The following NEDD4L variants were observed in gnomAD, a reference collection of about 807,000 sequenced individuals.
NEDD4L encodes NEDD4 like E3 ubiquitin protein ligase.
A neutral mutation model predicts 148.9 loss-of-function variants in NEDD4L; 54 were observed. The ratio of observed to expected loss-of-function variants is 0.36; its 90% CI spans 0.29 to 0.45. The LOEUF (loss-of-function observed/expected upper bound fraction) is 0.45, where lower values mean the gene tolerates loss of function less well. Among genes scored for constraint, NEDD4L ranks in the 20% least tolerant of loss-of-function variants. NEDD4L has a pLI of 1.00. For synonymous variants in NEDD4L, 433 were observed against 440.7 expected, an observed-to-expected ratio of 0.98 and a Z score of 0.22; for missense variants, 856 against 1,233.8, an observed-to-expected ratio of 0.69 and a Z score of 4.59.
chr18:58,235,589 T>C (rs1294410196), intron 2 of NEDD4L, among the ~76,000 whole-genome samples: 1 of 152,248 alleles, frequency 6.6e-6, no homozygotes, highest in Non-Finnish European at 1.5e-5. Context: ...CTCTCTTTTT[T>C]AGTTAGACAC....
intron 1 of NEDD4L, among the ~76,000 whole-genome samples, chr18:58,100,621 T>G (rs1416743533): frequency 6.6e-6 from 1 of 152,158 alleles, no homozygotes; most frequent in Non-Finnish European, 1.5e-5. Context: ...CAAGAGATTT[T>G]GACTTGTTCA....
At chr18:58,128,208 G>A (rs1370731271) in intron 1 of NEDD4L, among the ~76,000 whole-genome samples, 2 of 152,020 alleles carry the variant, frequency 1.3e-5, no homozygotes, top group East Asian at 1.9e-4. Flanking sequence ...CACTGCACCC[G>A]GCTCATTTTT....
chr18:58,329,094 G>T lies in NEDD4L; in HGVS notation c.780G>T (p.Glu260Asp), dbSNP rs1259612443. 1 of 1,614,028 alleles carries T rather than the reference G, an allele frequency of 6.2e-7. No individual in the cohort carries two copies. ...GCAGGCACATCAGCGAAGACTTGGA[G>T]CCCGAGCCCTCGGAGGGCGGGGATG... ...RSRRHISEDL[E>D]PEPSEGGDVP... Residue 260 changes from glutamate to aspartate, a missense_variant, in exon 10 of 31, where the codon GAG becomes GAT. Glu to Asp is a conservative substitution (Grantham distance 45). Transcript: ENST00000400345.
chr18:58,292,615 T>C (rs9944842), intron 5 of NEDD4L, among the ~76,000 whole-genome samples: 67,185 of 152,090 alleles, frequency 0.44, 15,451 homozygotes, highest in African/African-American at 0.58. Context: ...GATGGTTCTA[T>C]ATATGTCTCC....
intron 2 of NEDD4L, among the ~76,000 whole-genome samples, chr18:58,230,444 T>C (rs1199298557): frequency 1.3e-5 from 2 of 152,062 alleles, no homozygotes; most frequent in Admixed American, 1.3e-4. Flanking sequence ...CATTTTGTTG[T>C]TTCTTTGAGT....
intron 1 of NEDD4L, among the ~76,000 whole-genome samples, chr18:58,143,917 T>G (rs559433495): frequency 6.6e-6 from 1 of 152,166 alleles, no homozygotes; most frequent in Admixed American, 6.5e-5. Flanking sequence ...TGGCCTGATA[T>G]GAGGTATCCA....
At chr18:58,226,358 T>C (rs1436232832) in intron 2 of NEDD4L, among the ~76,000 whole-genome samples, 1 of 152,230 alleles carries the variant, frequency 6.6e-6, no homozygotes, top group African/African-American at 2.4e-5. Flanking sequence ...ATTTGCCAAA[T>C]GCAATTGTGT....
chr18:58,248,106 T>C (rs1285738661), intron 3 of NEDD4L, among the ~76,000 whole-genome samples: 1 of 152,224 alleles, frequency 6.6e-6, no homozygotes, highest in Non-Finnish European at 1.5e-5. Flanking sequence ...TTTTTTTACA[T>C]ACAATTTTTA....
At chr18:58,237,180 CT>C (rs1276902729) in intron 2 of NEDD4L, among the ~76,000 whole-genome samples, 2 of 152,090 alleles carry the variant, frequency 1.3e-5, no homozygotes, top group African/African-American at 4.8e-5. Context: ...GGTAGACAGT[CT>C]TTTTGTGGGC....
chr18:58,207,298 C>CA (rs2042072273), intron 2 of NEDD4L, among the ~76,000 whole-genome samples: 1 of 149,200 alleles, frequency 6.7e-6, no homozygotes, highest in Non-Finnish European at 1.5e-5. Flanking sequence ...GGAAATCAAC[C>CA]AAATACCTTA....
chr18:58,268,622 G>T (rs567949119), intron 5 of NEDD4L, among the ~76,000 whole-genome samples: 53 of 152,224 alleles, frequency 3.5e-4, no homozygotes, highest in African/African-American at 1.2e-3. Flanking sequence ...CAAGAATAGA[G>T]ATGGGTAGCG....
Position 58,204,259 on chromosome 18 carries a change from C to T in NEDD4L, c.122+38398C>T, listed in dbSNP as rs7240430. 9.1e-3 allele frequency among the ~76,000 whole-genome samples: 1,375 copies of T among 151,926 alleles called. 17 individuals carry two copies. Among genetic ancestry groups the T allele is most frequent in the African/African-American group, 0.032 (1,312 of 41,416 alleles). ...AGGAGAATTGCTTGAACCTGGGAAG[C>T]GGAGGTTGCAGTCAGCCAAGATTGC... On this transcript the variant is annotated intron_variant, in intron 2 of 30. Coordinates refer to ENST00000400345, the MANE Select transcript of NEDD4L (RefSeq NM_001144967.3).
intron 2 of NEDD4L, among the ~76,000 whole-genome samples, chr18:58,205,578 G>C (rs772965260): frequency 1.3e-5 from 2 of 151,930 alleles, no homozygotes; most frequent in Non-Finnish European, 2.9e-5. Context: ...GAGTGTGTCA[G>C]TTGGGAGAGG....
intron 5 of NEDD4L, among the ~76,000 whole-genome samples, chr18:58,285,510 C>A (rs189939275): frequency 6.6e-6 from 1 of 152,210 alleles, no homozygotes; most frequent in Admixed American, 6.5e-5. Context: ...CCTCTCCTAC[C>A]CCTAGCCTGA....
chr18:58,262,152 G>C (rs1187487787), intron 5 of NEDD4L, among the ~76,000 whole-genome samples: 1 of 152,142 alleles, frequency 6.6e-6, no homozygotes, highest in African/African-American at 2.4e-5. Context: ...GCCCCACTCT[G>C]AATAAAAAAT....
In NEDD4L at chr18:58,046,625, G is replaced by T. The variant is rs545039053; in HGVS notation, c.48+1917G>T. 3.3e-5 allele frequency: 5 copies of T among 152,228 alleles called. No individual in the cohort carries two copies. The South Asian group carries it at 1.0e-3, about 32-fold the overall frequency. The allele number at this position is 152,228 out of a possible 1,614,324, so 9.4% of individuals were successfully genotyped here. ...ACCTAGAGCACATCTTGCCACTTTT[G>T]TCCACAGGAGTCACTACTAATCATC... On this transcript the variant is annotated intron_variant, in intron 1 of 30. Coordinates refer to ENST00000400345, the MANE Select transcript of NEDD4L (RefSeq NM_001144967.3).
chr18:58,221,568 C>T (rs2043779298), intron 2 of NEDD4L: 1 of 985,476 alleles, frequency 1.0e-6, no homozygotes, highest in Non-Finnish European at 1.2e-6. Flanking sequence ...CGCATTCCTT[C>T]TCAGTTGTGT....
intron 1 of NEDD4L, among the ~76,000 whole-genome samples, chr18:58,156,945 A>G (rs2035575171): frequency 6.6e-6 from 1 of 151,920 alleles, no homozygotes; most frequent in African/African-American, 2.4e-5. Context: ...CTTGGGAGGC[A>G]GAGGTGGGCA....
chr18:58,069,136 CAAAAAAAAAAA>C (rs1161273608), intron 1 of NEDD4L, among the ~76,000 whole-genome samples: 1 of 73,242 alleles, frequency 1.4e-5, no homozygotes, highest in Non-Finnish European at 2.9e-5. Context: ...AATCTGTCTC[CAAAAAAAAAAA>C]AAAAAAAAAA....
Sources: allele counts gnomAD v4.1 joint callset (sites outside exome capture counted in the v4.1 genomes callset), GRCh38; gene constraint gnomAD v4.1.1; transcripts MANE v1.5; gene names NCBI Gene and HGNC (gene_info 2026-07-23, HGNC 2026-07-21).